The following ESR1 variants were observed in gnomAD, a reference collection of about 807,000 sequenced individuals.
The protein encoded by ESR1 is estrogen receptor.
In ESR1, 12 loss-of-function variants were observed where a neutral mutation model predicts 52.7. That is an observed-to-expected ratio of 0.23 (90% CI 0.15 to 0.37). The LOEUF is 0.37. ESR1 is among the 10% of genes least tolerant of loss of function. ESR1 has a pLI of 1.00. For synonymous variants in ESR1, 305 were observed against 316.8 expected (o/e 0.96, Z 0.39); for missense variants, 584 against 779.7 (o/e 0.75, Z 2.99).
intron 6 of ESR1, among the ~76,000 whole-genome samples, chr6:152,092,125 C>A (rs1385365980): frequency 6.6e-6 from 1 of 152,220 alleles, no homozygotes; most frequent in African/African-American, 2.4e-5. Context: ...GCCAACACCA[C>A]GGCCATGGGA....
At position 151,808,315 on chromosome 6, in the gene ESR1, G is replaced by A. The variant is rs868748075; in HGVS notation, c.403G>A (p.Glu135Lys). 4.5e-6 allele frequency: 7 copies of A among 1,559,596 alleles called. No individual in the cohort carries two copies. In the South Asian group the frequency reaches 7.2e-5, roughly 16 times the overall value. The change falls in exon 1 of 8, where the codon GAG becomes AAG. Residue 135 changes from glutamate to lysine, a missense_variant. Coordinates refer to ENST00000206249, the MANE Select transcript of ESR1 (RefSeq NM_000125.4). ...GQQVPYYLENEPSGYTVREAG... is the reference protein window; with the variant it reads ...GQQVPYYLENKPSGYTVREAG... ...GCAGGTGCCCTACTACCTGGAGAACGAGCCCAGCGGCTACACGGTGCGCGA... is the reference window on the plus strand; with the variant it reads ...GCAGGTGCCCTACTACCTGGAGAACAAGCCCAGCGGCTACACGGTGCGCGA...
intron 3 of ESR1, among the ~76,000 whole-genome samples, chr6:151,937,082 G>A (rs1369168286): frequency 6.6e-6 from 1 of 152,138 alleles, no homozygotes; most frequent in Admixed American, 6.5e-5. Context: ...TTTTTGGAAG[G>A]GATTTGTAGA....
intron 2 of ESR1, among the ~76,000 whole-genome samples, chr6:151,781,599 AC>A (rs1165799503): frequency 6.6e-6 from 1 of 152,244 alleles, no homozygotes; most frequent in Non-Finnish European, 1.5e-5. Flanking sequence ...TTGATCCCCT[AC>A]ATCCCACCGC....
chr6:151,769,818 A>G (rs1472464867), intron 2 of ESR1, among the ~76,000 whole-genome samples: 1 of 152,148 alleles, frequency 6.6e-6, no homozygotes, highest in African/African-American at 2.4e-5. Flanking sequence ...GAACAACAGG[A>G]AAGGAAGATT....
intron 3 of ESR1, among the ~76,000 whole-genome samples, chr6:151,931,600 C>T (rs1258032033): frequency 8.3e-6 from 1 of 120,102 alleles, no homozygotes; most frequent in East Asian, 3.0e-4. Flanking sequence ...TATCCCTCCC[C>T]CCTCCCCCCA....
At chr6:152,093,212 G>A (rs1468921599) in intron 6 of ESR1, among the ~76,000 whole-genome samples, 2 of 151,360 alleles carry the variant, frequency 1.3e-5, no homozygotes, top group African/African-American at 4.9e-5. Flanking sequence ...GGAGGCAGAG[G>A]TTGCAGTGAG....
intron 1 of ESR1, among the ~76,000 whole-genome samples, chr6:151,676,173 A>C (rs1185784371): frequency 6.6e-6 from 1 of 152,194 alleles, no homozygotes; most frequent in Non-Finnish European, 1.5e-5. Flanking sequence ...TTGGGTGGGC[A>C]GACAGGAGGT....
rs533382268 is a variant in ESR1 at position 151,837,401 on chromosome 6, A to G, written c.453-5196A>G. 3.3e-5 allele frequency among the ~76,000 whole-genome samples: 5 copies of G among 152,234 alleles called. 1 individual carries two copies. In the South Asian group the frequency reaches 1.0e-3, roughly 32 times the overall value. On this transcript the variant is annotated intron_variant, in intron 1 of 7. Transcript: ENST00000206249. ...GCATGAGCCACCACACCCAGCCCAG[A>G]CATCCCTCTTAATTATGTTGAATAT...
chr6:151,771,358 C>T (rs186000227), intron 2 of ESR1, among the ~76,000 whole-genome samples: 47 of 152,274 alleles, frequency 3.1e-4, no homozygotes, highest in South Asian at 2.1e-4. Flanking sequence ...CCTTTGTCCA[C>T]GGCACTGGAA....
At chr6:151,898,769 A>C (rs570634332) in intron 3 of ESR1, among the ~76,000 whole-genome samples, 52 of 152,290 alleles carry the variant, frequency 3.4e-4, no homozygotes, top group African/African-American at 1.2e-3. Flanking sequence ...CTTAGTACAG[A>C]ACAAAATGAA....
intron 2 of ESR1, among the ~76,000 whole-genome samples, chr6:151,868,967 C>G (rs1043471956): frequency 2.0e-5 from 3 of 152,162 alleles, no homozygotes; most frequent in African/African-American, 4.8e-5. Flanking sequence ...ATTCCACCCC[C>G]ACACCAGAGC....
intron 5 of ESR1, among the ~76,000 whole-genome samples, chr6:152,056,390 C>T (rs1027946511): frequency 1.2e-4 from 19 of 152,074 alleles, no homozygotes; most frequent in African/African-American, 4.6e-4. Flanking sequence ...ATGTTGATCC[C>T]CTGGGTTTTC....
At chr6:151,673,101 C>T (rs977204348) in intron 1 of ESR1, among the ~76,000 whole-genome samples, 4 of 152,090 alleles carry the variant, frequency 2.6e-5, no homozygotes, top group Admixed American at 6.6e-5. Context: ...GCTGGGATTA[C>T]AGGCATGAGC....
chr6:151,948,387 G>A (rs2035951244), intron 4 of ESR1, among the ~76,000 whole-genome samples: 1 of 152,148 alleles, frequency 6.6e-6, no homozygotes, highest in African/African-American at 2.4e-5. Flanking sequence ...CTAGCCCTGA[G>A]TTTTTTATTG....
Position 151,925,741 on chromosome 6 carries a change from C to T in ESR1, c.761-18432C>T, listed in dbSNP as rs528241199. 7.9e-5 allele frequency among the ~76,000 whole-genome samples: 12 copies of T among 151,556 alleles called. 1 individual carries two copies. The South Asian group carries it at 2.5e-3, about 32-fold the overall frequency. ...GCCATGTGTTTCACAAATAATTTCT[C>T]CCAGTTTGTGGCTTATCTTTTCACT... On this transcript the variant is annotated intron_variant, in intron 3 of 7. Transcript: ENST00000206249.
upstream of ESR1, among the ~76,000 whole-genome samples, chr6:151,799,540 C>T (rs537457625): frequency 1.3e-5 from 2 of 152,250 alleles, no homozygotes; most frequent in East Asian, 3.9e-4. Context: ...TGTTGGGGGC[C>T]AACTACAACT....
intron 5 of ESR1, among the ~76,000 whole-genome samples, chr6:152,059,976 A>G (rs2047417990): frequency 6.6e-6 from 1 of 152,190 alleles, no homozygotes; most frequent in Non-Finnish European, 1.5e-5. Context: ...TTAATTGTTT[A>G]TATATTTCAC....
intron 1 of ESR1, among the ~76,000 whole-genome samples, chr6:151,831,904 T>C (rs1782488435): frequency 6.6e-6 from 1 of 152,164 alleles, no homozygotes; most frequent in African/African-American, 2.4e-5. Context: ...GTCTAATCTT[T>C]GTGCAGAAGC....
intron 3 of ESR1, among the ~76,000 whole-genome samples, chr6:151,915,413 A>G (rs766546556): frequency 6.6e-6 from 1 of 152,192 alleles, no homozygotes; most frequent in Non-Finnish European, 1.5e-5. Context: ...CAACAGGAGC[A>G]TTTCCCCCTT....
Sources: gnomAD v4.1 joint callset for allele counts (sites outside exome capture counted in the v4.1 genomes callset) on GRCh38, gnomAD v4.1.1 for gene constraint, MANE v1.5 for transcripts, NCBI Gene and HGNC (gene_info 2026-07-23, HGNC 2026-07-21) for gene names.